ENTPD1: variants seen among roughly 807,000 people sequenced by gnomAD.
ENTPD1 encodes ATP diphosphohydrolase.
In ENTPD1, 33 loss-of-function variants were observed where a neutral mutation model predicts 57.0. That is an observed-to-expected ratio of 0.58 (90% CI 0.44 to 0.77). ENTPD1 has a LOEUF of 0.77. Ranked by LOEUF, ENTPD1 falls within the 30% of genes least tolerant of loss-of-function variation. The pLI, the probability that ENTPD1 is intolerant of heterozygous loss-of-function variation, is 0.00. For missense variants in ENTPD1, 501 were observed against 603.4 expected (o/e 0.83, Z 1.78); for synonymous variants, 202 against 218.8 (o/e 0.92, Z 0.68).
chr10:95,847,337 T>C (rs1474873146), intron 6 of ENTPD1, 109 bp from the exon 7 acceptor site: 16 of 1,318,586 alleles, frequency 1.2e-5, no homozygotes, highest in Non-Finnish European at 1.5e-5. Flanking sequence ...TTGATTCCAA[T>C]ACCAAGTGGT....
At chr10:95,700,022 GTTTGCC>G in the ENTPD1 span, among the ~76,000 whole-genome samples, 4 of 152,172 alleles carry the variant, frequency 2.6e-5, no homozygotes, top group African/African-American at 9.7e-5. Context: ...ATATGGAATA[GTTTGCC>G]TTTGTACTCA....
intron 7 of ENTPD1, among the ~76,000 whole-genome samples, chr10:95,860,087 TAACTC>T (rs775979105): frequency 3.3e-5 from 5 of 152,342 alleles, no homozygotes; most frequent in African/African-American, 4.8e-5. Flanking sequence ...TACTCAGAGA[TAACTC>T]AATAGTGTTG....
At chr10:95,819,529 A>G (rs184313691) in intron 1 of ENTPD1, among the ~76,000 whole-genome samples, 88 of 152,318 alleles carry the variant, frequency 5.8e-4, no homozygotes, top group Middle Eastern at 3.4e-3. Flanking sequence ...GGCTGTTTCT[A>G]TAAGAATCAA....
chr10:95,705,228 C>G, the ENTPD1 span, among the ~76,000 whole-genome samples: 1 of 151,950 alleles, frequency 6.6e-6, no homozygotes. Context: ...CATATACATA[C>G]CCTATGACCC....
At chr10:95,699,632 G>C in the ENTPD1 span, among the ~76,000 whole-genome samples, 3 of 151,746 alleles carry the variant, frequency 2.0e-5, no homozygotes, top group African/African-American at 7.3e-5. Flanking sequence ...GAGAGATTGA[G>C]AGAGAGAAAG....
intron 1 of ENTPD1, among the ~76,000 whole-genome samples, chr10:95,818,644 AAAT>A (rs2140507936): frequency 6.6e-6 from 1 of 152,284 alleles, no homozygotes; most frequent in Admixed American, 6.5e-5. Context: ...GCTTGGGATG[AAAT>A]AACTGAGAGA....
At chr10:95,793,455 C>A (rs1005647266) in intron 1 of ENTPD1, among the ~76,000 whole-genome samples, 13 of 152,162 alleles carry the variant, frequency 8.5e-5, no homozygotes, top group African/African-American at 3.1e-4. Context: ...TAAAAGGCCT[C>A]ACAATTGCTC....
At chr10:95,788,671 A>T (rs2140246009) in intron 1 of ENTPD1, among the ~76,000 whole-genome samples, 1 of 152,240 alleles carries the variant, frequency 6.6e-6, no homozygotes, top group East Asian at 1.9e-4. Flanking sequence ...ACTAAATGAG[A>T]AACCTGATTA....
chr10:95,713,626 G>A (rs2097968276), intron 1 of ENTPD1, among the ~76,000 whole-genome samples: 1 of 152,222 alleles, frequency 6.6e-6, no homozygotes, highest in African/African-American at 2.4e-5. Flanking sequence ...AGTCCCTGTA[G>A]TACTTGTAAG....
chr10:95,792,853 A>G (rs1368146724), intron 1 of ENTPD1, among the ~76,000 whole-genome samples: 2 of 152,174 alleles, frequency 1.3e-5, no homozygotes, highest in African/African-American at 4.8e-5. Context: ...CAGAGTAAAG[A>G]TGTGCTCTGC....
In ENTPD1 at chr10:95,869,265, TTTGA is replaced by T. The variant is rs1355604680; in HGVS notation, c.*2883_*2886del. 35 of 672,512 alleles carry T rather than the reference TTTGA, an allele frequency of 5.2e-5. No homozygotes were observed. In the African/African-American group the frequency reaches 6.2e-4, roughly 12 times the overall value. The allele number at this position is 672,512 out of a possible 1,614,324, so 41.7% of individuals were successfully genotyped here. A position where few individuals can be genotyped will look rare whatever the true frequency, so the allele number is the denominator to read the frequency against. ...ACTTTTTTTTTTTTTTTTTTTTTTT[TTTGA>T]GAGAGAGTCTCACTCCATTGCCCAG... On this transcript the variant is annotated 3_prime_UTR_variant, in exon 10 of 10. Transcript: ENST00000371205.
At chr10:95,826,715 T>A (rs182597593) in intron 2 of ENTPD1, among the ~76,000 whole-genome samples, 13 of 152,138 alleles carry the variant, frequency 8.5e-5, no homozygotes, top group East Asian at 1.9e-4. Context: ...AGGTACGTGG[T>A]GCAGGCCCTG....
chr10:95,789,525 C>T (rs966055438), intron 1 of ENTPD1, among the ~76,000 whole-genome samples: 11 of 152,000 alleles, frequency 7.2e-5, no homozygotes, highest in African/African-American at 2.7e-4. Flanking sequence ...GACCCTTGCA[C>T]AACACAGGTT....
the ENTPD1 span, among the ~76,000 whole-genome samples, chr10:95,702,532 T>C: frequency 4.6e-5 from 7 of 151,814 alleles, no homozygotes; most frequent in Non-Finnish European, 7.4e-5. Flanking sequence ...TGATATGTAA[T>C]TGGGCCCCAG....
intron 7 of ENTPD1, among the ~76,000 whole-genome samples, chr10:95,854,144 TC>T (rs2098450270): frequency 6.6e-6 from 1 of 152,250 alleles, no homozygotes; most frequent in South Asian, 2.1e-4. Flanking sequence ...TTCAACTTCT[TC>T]CTCGTTTAGT....
At chr10:95,807,525 A>C (rs1443623112) in intron 1 of ENTPD1, among the ~76,000 whole-genome samples, 1 of 152,198 alleles carries the variant, frequency 6.6e-6, no homozygotes, top group Non-Finnish European at 1.5e-5. Context: ...CCCGTTGTCC[A>C]ACCAGTTCCA....
At chr10:95,856,671 T>TATAC (rs571622251) in intron 7 of ENTPD1, among the ~76,000 whole-genome samples, 114 of 146,764 alleles carry the variant, frequency 7.8e-4, no homozygotes, top group African/African-American at 1.3e-3. Context: ...TATATATATA[T>TATAC]ACACACACAT....
chr10:95,716,343 C>T (rs73329284), intron 1 of ENTPD1, among the ~76,000 whole-genome samples: 8 of 152,258 alleles, frequency 5.3e-5, no homozygotes, highest in East Asian at 1.9e-4. Context: ...ATTTTGGTTG[C>T]GAACGGCAGT....
chr10:95,762,290 A>C (rs1475109879), intron 1 of ENTPD1, among the ~76,000 whole-genome samples: 4 of 152,062 alleles, frequency 2.6e-5, no homozygotes, highest in Admixed American at 2.0e-4. Context: ...GTGAGGATAC[A>C]AGTAACATAG....
Sources: allele counts gnomAD v4.1 joint callset (sites outside exome capture counted in the v4.1 genomes callset), GRCh38; gene constraint gnomAD v4.1.1; transcripts MANE v1.5; gene names NCBI Gene and HGNC (gene_info 2026-07-23, HGNC 2026-07-21).